The following RPS6KA2 variants were observed in gnomAD, a reference collection of about 807,000 sequenced individuals.
The protein encoded by RPS6KA2 is ribosomal protein S6 kinase alpha-2.
In RPS6KA2, 42 loss-of-function variants were observed where a neutral mutation model predicts 91.8. That is an observed-to-expected ratio of 0.46 (90% CI 0.36 to 0.59). The LOEUF is 0.59. RPS6KA2 is among the 20% of genes least tolerant of loss of function. The pLI, the probability that RPS6KA2 is intolerant of heterozygous loss-of-function variation, is 0.00. For missense variants in RPS6KA2, 798 were observed against 978.5 expected, an observed-to-expected ratio of 0.82 and a Z score of 2.46; for synonymous variants, 414 against 393.6, an observed-to-expected ratio of 1.05 and a Z score of -0.61.
chr6:166,430,633 C>T (rs1378224911), intron 15 of RPS6KA2, 22 bp from the exon 16 acceptor site: 1 of 1,597,152 alleles, frequency 6.3e-7, no homozygotes, highest in South Asian at 1.1e-5. Context: ...AGAAGGGGCG[C>T]ACACGTCACC....
chr6:166,523,202 T>G (rs1485181981), intron 3 of RPS6KA2, among the ~76,000 whole-genome samples: 1 of 152,248 alleles, frequency 6.6e-6, no homozygotes, highest in Admixed American at 6.5e-5. Context: ...GATGTTTATC[T>G]GAAATGCAAG....
At chr6:166,836,719 G>C (rs1780326681) in intron 2 of RPS6KA2, among the ~76,000 whole-genome samples, 1 of 152,200 alleles carries the variant, frequency 6.6e-6, no homozygotes, top group Non-Finnish European at 1.5e-5. Flanking sequence ...TCTAGCGTCT[G>C]GGCCAGTCTC....
intron 1 of RPS6KA2, among the ~76,000 whole-genome samples, chr6:166,597,980 C>T (rs1345560548): frequency 6.6e-6 from 1 of 152,210 alleles, no homozygotes; most frequent in Non-Finnish European, 1.5e-5. Context: ...ATTTTCTTCC[C>T]TATTAAAATG....
intron 1 of RPS6KA2, among the ~76,000 whole-genome samples, chr6:166,599,103 T>C (rs1448566278): frequency 2.0e-5 from 3 of 152,194 alleles, no homozygotes; most frequent in Non-Finnish European, 4.4e-5. Context: ...GTGCGTGCCA[T>C]ATGTAAACAA....
chr6:166,840,022 T>C (rs77358346), intron 2 of RPS6KA2, among the ~76,000 whole-genome samples: 7,495 of 152,004 alleles, frequency 0.049, 645 homozygotes, highest in African/African-American at 0.17. Context: ...ATAAGCTTAG[T>C]GTTAACATAA....
intron 10 of RPS6KA2, among the ~76,000 whole-genome samples, chr6:166,474,249 T>C (rs915550298): frequency 1.2e-4 from 18 of 152,190 alleles, no homozygotes; most frequent in Admixed American, 9.8e-4. Flanking sequence ...TGGACCACGT[T>C]TGAAGTCATT....
At chr6:166,660,946 A>C (rs1788146734) in intron 2 of RPS6KA2, among the ~76,000 whole-genome samples, 1 of 152,186 alleles carries the variant, frequency 6.6e-6, no homozygotes, top group South Asian at 2.1e-4. Context: ...TACTGAGTTA[A>C]AAGTCATAAA....
Position 166,680,597 on chromosome 6 carries a change from C to T in RPS6KA2, c.124-141813G>A, listed in dbSNP as rs117710737. ...TGAAGCCAGTGACAGCACGAGCCCGCCAGGAGGGACGAACAACTCTGGACG... is the reference window on the plus strand; with the variant it reads ...TGAAGCCAGTGACAGCACGAGCCCGTCAGGAGGGACGAACAACTCTGGACG... On this transcript the variant is annotated intron_variant, in intron 2 of 21. Coordinates refer to the RPS6KA2 transcript ENST00000503859. 7.7e-3 allele frequency among the ~76,000 whole-genome samples: 1,165 copies of T among 152,254 alleles called. 21 individuals are homozygous for T. The highest frequency in any genetic ancestry group is 0.072 in the South Asian group (348 of 4,814).
chr6:166,764,772 C>T (rs1388840328), intron 2 of RPS6KA2, among the ~76,000 whole-genome samples: 1 of 152,238 alleles, frequency 6.6e-6, no homozygotes, highest in African/African-American at 2.4e-5. Flanking sequence ...CAGCGGCCAC[C>T]GCGGTGACAC....
At chr6:166,488,180 C>A (rs896664871) in intron 10 of RPS6KA2, among the ~76,000 whole-genome samples, 3 of 152,062 alleles carry the variant, frequency 2.0e-5, no homozygotes, top group African/African-American at 7.2e-5. Context: ...ACCGTAAACA[C>A]CCTGCTCTAG....
rs1336169547 is a variant in RPS6KA2 at position 166,495,057 on chromosome 6, T to G, written c.747+3451A>C. 6.6e-6 allele frequency among the ~76,000 whole-genome samples: 1 copy of G among 152,224 alleles called. No homozygotes were observed. The highest frequency in any genetic ancestry group is 1.5e-5 in the Non-Finnish European group (1 of 68,040). On this transcript the variant is annotated intron_variant, in intron 8 of 20. Transcript: ENST00000265678. The surrounding 1 kb of genome is among the most constrained non-coding windows in gnomAD (Gnocchi z 4.4). ...GGCCTCCACAGTCAAGACCTTTGCC[T>G]GTGTGCAGCCAGTCACCACGTGGGC...
chr6:166,475,325 C>T lies in RPS6KA2; in HGVS notation c.908-5420G>A, dbSNP rs558198933. On this transcript the variant is annotated intron_variant, in intron 10 of 20. Coordinates refer to ENST00000265678, the MANE Select transcript of RPS6KA2 (RefSeq NM_021135.6). ...GCCCCCACGCTCACCACACCCACTG[C>T]GTACTCCCGAGCGTGGCCCGGCCCC... 9.8e-5 allele frequency among the ~76,000 whole-genome samples: 15 copies of T among 152,330 alleles called. No individual in the cohort carries two copies. In the East Asian group the frequency reaches 2.5e-3, roughly 25 times the overall value.
intron 2 of RPS6KA2, among the ~76,000 whole-genome samples, chr6:166,532,312 TC>T (rs1287176520): frequency 2.0e-5 from 3 of 151,552 alleles, no homozygotes; most frequent in Admixed American, 1.3e-4. Context: ...CACTCTTGGC[TC>T]CCCCCCAAGA....
At chr6:166,803,232 C>A (rs543927493) in intron 2 of RPS6KA2, among the ~76,000 whole-genome samples, 1 of 152,124 alleles carries the variant, frequency 6.6e-6, no homozygotes. Flanking sequence ...GTGCAAGAAG[C>A]GATCTTTTTA....
At chr6:166,692,598 A>C (rs1348291180) in intron 2 of RPS6KA2, among the ~76,000 whole-genome samples, 1 of 152,164 alleles carries the variant, frequency 6.6e-6, no homozygotes, top group Non-Finnish European at 1.5e-5. Context: ...AAAAAAACCT[A>C]CTCTAAGCTG....
chr6:166,681,690 G>C (rs866252773), intron 2 of RPS6KA2, among the ~76,000 whole-genome samples: 1,466 of 57,062 alleles, frequency 0.026, no homozygotes, highest in African/African-American at 0.043. Context: ...CCCCCTGCCC[G>C]CCCCCCCCCC....
chr6:166,858,245 ATCC>A (rs1562474506), exon 2 of RPS6KA2: 1 of 1,543,582 alleles, frequency 6.5e-7, no homozygotes, highest in Non-Finnish European at 9.0e-7. Context: ...CCAGGTTGAG[ATCC>A]TCCTCTGTGG....
intron 1 of RPS6KA2, among the ~76,000 whole-genome samples, chr6:166,600,280 C>G (rs758882517): frequency 6.6e-6 from 1 of 152,238 alleles, no homozygotes; most frequent in African/African-American, 2.4e-5. Context: ...GCTGGGATGA[C>G]AGGCACGAGC....
chr6:166,622,765 C>T (rs918758557), intron 1 of RPS6KA2, among the ~76,000 whole-genome samples: 1 of 152,120 alleles, frequency 6.6e-6, no homozygotes, highest in East Asian at 1.9e-4. Flanking sequence ...GATCTGTGAC[C>T]ACCAGAAATA....
Sources: gnomAD v4.1 joint callset for allele counts (sites outside exome capture counted in the v4.1 genomes callset) on GRCh38, gnomAD v4.1.1 for gene constraint, Gnocchi (gnomAD v3.1) non-coding constraint, MANE v1.5 for transcripts, NCBI Gene and HGNC (gene_info 2026-07-23, HGNC 2026-07-21) for gene names.